Variants in PDGFRA observed in about 807,000 individuals in gnomAD.
The protein encoded by PDGFRA is platelet derived growth factor receptor alpha, also known as platelet-derived growth factor receptor alpha.
PDGFRA carries 25 observed loss-of-function variants against 121.5 expected under a neutral mutation model. That is an observed-to-expected ratio of 0.21 (90% CI 0.15 to 0.29). The LOEUF (loss-of-function observed/expected upper bound fraction) is 0.29, where lower values mean the gene tolerates loss of function less well. Among genes scored for constraint, PDGFRA ranks in the 10% least tolerant of loss-of-function variants. The pLI, the probability that PDGFRA is intolerant of heterozygous loss-of-function variation, is 1.00. For missense variants in PDGFRA, 1,008 were observed against 1,345.1 expected, an observed-to-expected ratio of 0.75 and a Z score of 3.92; for synonymous variants, 463 against 494.8, an observed-to-expected ratio of 0.94 and a Z score of 0.85.
At chr4:54,270,814 C>G (rs546874480) in intron 8 of PDGFRA, 66 bp downstream of exon 8, 215 of 897,668 alleles carry the variant, frequency 2.4e-4, no homozygotes, top group South Asian at 3.2e-4. Context: ...GAAAGCCTGG[C>G]ACTTTTCTCC....
chr4:54,277,572 T>C, intron 13 of PDGFRA, 80 bp downstream of exon 13: 1 of 927,078 alleles, frequency 1.1e-6, no homozygotes, highest in Admixed American at 1.8e-5. Flanking sequence ...CTCAAAATCA[T>C]GCAGCTAGTA....
intron 22 of PDGFRA, among the ~76,000 whole-genome samples, chr4:54,290,780 G>A: frequency 6.6e-6 from 1 of 152,178 alleles, no homozygotes; most frequent in East Asian, 1.9e-4. Context: ...GTGGGGAGAG[G>A]GACATGCTTC....
Position 54,285,822 on chromosome 4 carries a change from T to G in PDGFRA, c.2440-19T>G. 1 of 1,613,820 alleles carries G rather than the reference T, an allele frequency of 6.2e-7. No homozygotes were observed. Among genetic ancestry groups the G allele is most frequent in the Non-Finnish European group, 8.5e-7 (1 of 1,179,892 alleles). ...TACAGATGGCTTGATCCTGAGTCAT[T>G]TCTTCCTTTTCCATGCAGTGTGTCC... On this transcript the variant is annotated intron_variant, in intron 17 of 22. Coordinates refer to ENST00000257290, the MANE Select transcript of PDGFRA (RefSeq NM_006206.6).
In PDGFRA at chr4:54,277,946, A is replaced by G. The variant is rs2110311412; in HGVS notation, c.1942A>G (p.Met648Val). Residue 648 changes from methionine to valine, a missense_variant, in exon 14 of 23, where the codon ATG becomes GTG. Around this residue, in one of 5 missense-constraint regions of PDGFRA, gnomAD observed 61 missense variants for 125.3 expected, o/e 0.49. Coordinates refer to ENST00000257290, the MANE Select transcript of PDGFRA (RefSeq NM_006206.6). The stretch of plus-strand genomic sequence containing the variant: ...AGCTCTCATGTCTGAACTGAAGATA[A>G]TGACTCACCTGGGGCCACATTTGAA... The part of the protein sequence containing the change: ...KQALMSELKI[M>V]THLGPHLNIV... The G allele has an allele frequency of 6.2e-7, 1 of 1,614,038 alleles. No homozygotes were observed.
At chr4:54,277,643 T>C (rs1293546329) in intron 13 of PDGFRA, 151 bp downstream of exon 13, 3 of 708,596 alleles carry the variant, frequency 4.2e-6, no homozygotes, top group Admixed American at 2.1e-5. Context: ...TGTATTTAGA[T>C]TAGGTTTATT....
At chr4:54,248,810 C>A (rs552286764) in intron 1 of PDGFRA, among the ~76,000 whole-genome samples, 1 of 152,136 alleles carries the variant, frequency 6.6e-6, no homozygotes, top group Admixed American at 6.5e-5. Flanking sequence ...ATTTTTGCAA[C>A]CTACTCATCT....
Position 54,280,320 on chromosome 4 carries a change from GTTATT to G in PDGFRA, c.2166_2170del (p.Leu723PhefsTer2), listed in dbSNP as rs1221978799. 6.2e-7 allele frequency: 1 copy of G among 1,613,500 alleles called. No individual in the cohort carries two copies. Among genetic ancestry groups the G allele is most frequent in the Non-Finnish European group, 8.5e-7 (1 of 1,179,496 alleles). On this transcript the variant is annotated frameshift_variant, in exon 16 of 23. Coordinates refer to ENST00000257290, the MANE Select transcript of PDGFRA (RefSeq NM_006206.6). LOFTEE classifies it high-confidence loss of function. ...TTTCTCTTTCTGTTTTTACAGCTAT[GTTATT>G]TTATCTTTTGAAAACAATGGTGACT...
chr4:54,295,042 C>A, intron 22 of PDGFRA, 83 bp from the exon 23 acceptor site: 1 of 1,402,184 alleles, frequency 7.1e-7, no homozygotes. Flanking sequence ...ATGCCAAAGG[C>A]TTTCGTTTGT....
At chr4:54,252,221 A>C (rs955401598) in intron 1 of PDGFRA, among the ~76,000 whole-genome samples, 2 of 152,144 alleles carry the variant, frequency 1.3e-5, no homozygotes, top group Admixed American at 6.5e-5. Context: ...TAGTGACCCC[A>C]TATCAGCTTG....
At chr4:54,247,355 A>C (rs191497906) in intron 1 of PDGFRA, among the ~76,000 whole-genome samples, 213 of 152,352 alleles carry the variant, frequency 1.4e-3, no homozygotes, top group African/African-American at 4.9e-3. Context: ...GCAGCACATC[A>C]AAAAGCTTAT....
chr4:54,265,278 T>C (rs1577711874), intron 5 of PDGFRA: 1 of 512,872 alleles, frequency 1.9e-6, no homozygotes. Flanking sequence ...ACATAAAGAG[T>C]GTGCCGTAAG....
intron 7 of PDGFRA, among the ~76,000 whole-genome samples, chr4:54,269,853 T>C (rs1350528540): frequency 6.6e-6 from 1 of 151,642 alleles, no homozygotes; most frequent in Non-Finnish European, 1.5e-5. Context: ...GGTTTCACCA[T>C]GTTTGTGAGG....
chr4:54,277,834 T>C, intron 13 of PDGFRA, 62 bp from the exon 14 acceptor site: 1 of 1,126,512 alleles, frequency 8.9e-7, no homozygotes, highest in Admixed American at 1.8e-5. Flanking sequence ...TTCTTGGTTT[T>C]TTTCTGAGAA....
chr4:54,245,861 G>A (rs1290175591), intron 1 of PDGFRA, among the ~76,000 whole-genome samples: 2 of 151,986 alleles, frequency 1.3e-5, no homozygotes, highest in African/African-American at 2.4e-5. Flanking sequence ...ATAAAAGGAT[G>A]GAGGAAGATC....
At position 54,261,386 on chromosome 4, in the gene PDGFRA, G is replaced by C. The variant is rs1560467103; in HGVS notation, c.341G>C (p.Gly114Ala). The C allele has an allele frequency of 1.9e-6, 3 of 1,614,052 alleles. No individual in the cohort carries two copies. Among genetic ancestry groups the C allele is most frequent in the Non-Finnish European group, 1.7e-6 (2 of 1,179,960 alleles). The change falls in exon 3 of 23, where the codon GGC becomes GCC. Residue 114 changes from glycine to alanine, a missense_variant. By Grantham distance (60) the Gly-to-Ala change is moderately conservative. Transcript: ENST00000257290. ...HTQTEENELE[G>A]RHIYIYVPDP... ...CAGACAGAAGAGAATGAGCTTGAAG[G>C]CAGGCACATTTACATCTATGTGCCA...
chr4:54,281,696 T>A (rs1490047539), intron 16 of PDGFRA: 1 of 1,362,818 alleles, frequency 7.3e-7, no homozygotes, highest in East Asian at 3.5e-5. Context: ...CTGAAAAAAA[T>A]CGTGAATGGC....
chr4:54,267,511 A>G, intron 6 of PDGFRA, 41 bp from the exon 7 acceptor site: 1 of 1,613,600 alleles, frequency 6.2e-7, no homozygotes, highest in Non-Finnish European at 8.5e-7. Flanking sequence ...CGGGATCCAT[A>G]TGTGGTAATC....
intron 5 of PDGFRA, among the ~76,000 whole-genome samples, chr4:54,266,411 C>CTTTT (rs552308043): frequency 6.9e-5 from 9 of 130,544 alleles, no homozygotes; most frequent in Non-Finnish European, 1.2e-4. Flanking sequence ...TTTCTTTTTT[C>CTTTT]TTTTTTTTTT....
At chr4:54,255,819 A>T (rs567552494) in intron 1 of PDGFRA, among the ~76,000 whole-genome samples, 9 of 150,966 alleles carry the variant, frequency 6.0e-5, no homozygotes, top group South Asian at 4.2e-4. Context: ...TTTTTTTTTT[A>T]AAACAACAAC....
Sources: gnomAD v4.1 joint callset for allele counts (sites outside exome capture counted in the v4.1 genomes callset) on GRCh38, gnomAD v4.1.1 for gene constraint, gnomAD v4.1.1 regional missense constraint, MANE v1.5 for transcripts, NCBI Gene and HGNC (gene_info 2026-07-23, HGNC 2026-07-21) for gene names.